PAK2: variants seen among roughly 807,000 people sequenced by gnomAD.
The protein encoded by PAK2 is p21 (RAC1) activated kinase 2, also known as serine/threonine-protein kinase PAK 2.
PAK2 carries 21 observed loss-of-function variants against 65.9 expected under a neutral mutation model. That is an observed-to-expected ratio of 0.32 (90% CI 0.23 to 0.46). The LOEUF is 0.46. PAK2 is among the 20% of genes least tolerant of loss of function. PAK2 has a pLI of 1.00. For missense variants in PAK2, 324 were observed against 642.6 expected, an observed-to-expected ratio of 0.50 and a Z score of 5.36; for synonymous variants, 204 against 219.7, an observed-to-expected ratio of 0.93 and a Z score of 0.63.
intron 4 of PAK2, among the ~76,000 whole-genome samples, chr3:196,804,257 C>A (rs1027464575): frequency 1.3e-5 from 2 of 152,126 alleles, no homozygotes; most frequent in Non-Finnish European, 2.9e-5. Context: ...AAATAGAAAT[C>A]TTTTTCAAGT....
intron 1 of PAK2, among the ~76,000 whole-genome samples, chr3:196,750,213 C>G (rs1423538404): frequency 6.6e-6 from 1 of 152,042 alleles, no homozygotes; most frequent in East Asian, 1.9e-4. Context: ...TGGTCTCGAA[C>G]TCCTGAGCTC....
At position 196,791,922 on chromosome 3, in the gene PAK2, CA is replaced by C. The variant is rs11401261; in HGVS notation, c.187+9104del. ...CCTGGGCGACAGAGCGAGACTCCGT[CA>C]AAAAAAAAAAAAAAGAAATAGAATT... On this transcript the variant is annotated intron_variant, in intron 2 of 14. Coordinates refer to ENST00000327134, the MANE Select transcript of PAK2 (RefSeq NM_002577.4). The surrounding 1 kb of genome is among the most constrained non-coding windows in gnomAD (Gnocchi z 4.0). Among the ~76,000 whole-genome samples the C allele has an allele frequency of 0.091, 12,526 of 138,332 alleles. 967 individuals carry two copies. Among genetic ancestry groups the C allele is most frequent in the African/African-American group, 0.22 (8,303 of 38,008 alleles). The allele number at this position is 138,332 out of a possible 152,430, so 90.8% of individuals were successfully genotyped here.
In PAK2 at chr3:196,828,648, T is replaced by C. The variant is rs548057843; in HGVS notation, c.*243T>C. On this transcript the variant is annotated 3_prime_UTR_variant, in exon 15 of 15. Coordinates refer to ENST00000327134, the MANE Select transcript of PAK2 (RefSeq NM_002577.4). ...GACTGAATCACTAGCCTTAGGTCTT[T>C]CAGCAAACAGCCTATCAGGGCCATT... 2.2e-6 allele frequency: 1 copy of C among 447,892 alleles called. No individual in the cohort carries two copies. The highest frequency in any genetic ancestry group is 2.9e-5 in the South Asian group (1 of 34,098). 27.7% of individuals were successfully genotyped at this position (447,892 alleles called of 1,614,324 possible). A position where few individuals can be genotyped will look rare whatever the true frequency, so the allele number is the denominator to read the frequency against.
chr3:196,823,444 A>G (rs1295807892), intron 13 of PAK2, among the ~76,000 whole-genome samples: 2 of 152,062 alleles, frequency 1.3e-5, no homozygotes. Flanking sequence ...GATCGGTAAA[A>G]TCACCAGCGC....
chr3:196,790,701 C>G (rs183569686), intron 2 of PAK2, among the ~76,000 whole-genome samples: 233 of 152,348 alleles, frequency 1.5e-3, no homozygotes, highest in African/African-American at 5.2e-3. Context: ...GTCCGGGCCA[C>G]TTACAGACTC....
intron 1 of PAK2, among the ~76,000 whole-genome samples, chr3:196,773,972 A>C (rs1403277422): frequency 1.3e-5 from 2 of 151,356 alleles, no homozygotes; most frequent in African/African-American, 2.4e-5. Flanking sequence ...GGTAGAGGTT[A>C]CAGTGAGCCG....
intron 12 of PAK2, among the ~76,000 whole-genome samples, 199 bp downstream of exon 12, chr3:196,818,355 A>G (rs77827107): frequency 0.016 from 2,484 of 152,192 alleles, 155 homozygotes; most frequent in Admixed American, 0.12. Context: ...GACATTACCT[A>G]ATAATTACCA....
intron 13 of PAK2, among the ~76,000 whole-genome samples, chr3:196,826,333 G>A (rs796680250): frequency 1.1e-4 from 17 of 151,892 alleles, no homozygotes; most frequent in South Asian, 2.1e-4. Context: ...CACCACGCCC[G>A]GCTAATTTTT....
At chr3:196,748,249 G>A (rs1202574428) in intron 1 of PAK2, among the ~76,000 whole-genome samples, 3 of 152,014 alleles carry the variant, frequency 2.0e-5, no homozygotes, top group Non-Finnish European at 4.4e-5. Context: ...TGCTCCTCAT[G>A]CCCCTCTTCT....
intron 1 of PAK2, among the ~76,000 whole-genome samples, chr3:196,741,239 G>C (rs1488365923): frequency 1.3e-5 from 2 of 152,172 alleles, no homozygotes; most frequent in African/African-American, 4.8e-5. Context: ...TAAGTAGGCA[G>C]GATATTGAAA....
intron 2 of PAK2, among the ~76,000 whole-genome samples, chr3:196,789,611 C>T (rs991867830): frequency 3.9e-5 from 6 of 151,998 alleles, no homozygotes; most frequent in Non-Finnish European, 7.4e-5. Context: ...TAGAGGTGCA[C>T]GCCACCACGC....
chr3:196,769,906 A>T (rs1714308938), intron 1 of PAK2, among the ~76,000 whole-genome samples: 1 of 152,060 alleles, frequency 6.6e-6, no homozygotes, highest in South Asian at 2.1e-4. Flanking sequence ...AATGACCTTT[A>T]TTCTACTTTC....
intron 1 of PAK2, among the ~76,000 whole-genome samples, chr3:196,777,066 C>A (rs182720796): frequency 1.3e-5 from 2 of 152,286 alleles, no homozygotes; most frequent in East Asian, 3.9e-4. Flanking sequence ...AAAAGACTTG[C>A]AGAAATGTCA....
At chr3:196,787,079 C>T (rs1041349597) in intron 2 of PAK2, among the ~76,000 whole-genome samples, 2 of 152,082 alleles carry the variant, frequency 1.3e-5, no homozygotes, top group Non-Finnish European at 2.9e-5. Flanking sequence ...CAGCCTTGGC[C>T]TCCCAAAGTG....
chr3:196,773,813 A>G (rs1354962277), intron 1 of PAK2, among the ~76,000 whole-genome samples: 2 of 152,160 alleles, frequency 1.3e-5, no homozygotes, highest in East Asian at 3.8e-4. Flanking sequence ...CAGAGGTTGC[A>G]GTGAGCCAAG....
intron 1 of PAK2, among the ~76,000 whole-genome samples, chr3:196,755,182 G>T (rs1271521160): frequency 6.6e-6 from 1 of 152,120 alleles, no homozygotes; most frequent in African/African-American, 2.4e-5. Context: ...CCAATTTTTT[G>T]AAACTTAGGT....
In PAK2 at chr3:196,751,674, C is replaced by CATATATATATATATATATATAT. The variant is rs149522539; in HGVS notation, c.-22+11538_-22+11539insTATATATATATATATATATATA. Among the ~76,000 whole-genome samples the CATATATATATATATATATATAT allele has an allele frequency of 2.9e-3, 206 of 71,724 alleles. 6 individuals are homozygous for CATATATATATATATATATATAT. Among genetic ancestry groups the CATATATATATATATATATATAT allele is most frequent in the African/African-American group, 0.013 (168 of 13,216 alleles). The allele number at this position is 71,724 out of a possible 152,430, so 47.1% of individuals were successfully genotyped here. A position where few individuals can be genotyped will look rare whatever the true frequency, so the allele number is the denominator to read the frequency against. On this transcript the variant is annotated intron_variant, in intron 1 of 14. Coordinates refer to ENST00000327134, the MANE Select transcript of PAK2 (RefSeq NM_002577.4). ...AAAAACACACAAATTTATTTATATACATATATATATATATATATATAATTC... is the reference window on the plus strand; with the variant it reads ...AAAAACACACAAATTTATTTATATACATATATATATATATATATATATATATATATATATATATATATAATTC...
chr3:196,793,070 T>G (rs998839692), intron 2 of PAK2, among the ~76,000 whole-genome samples: 2 of 152,146 alleles, frequency 1.3e-5, no homozygotes, highest in African/African-American at 4.8e-5. Context: ...GCACTACACA[T>G]GCTGAGGAGA....
intron 5 of PAK2, among the ~76,000 whole-genome samples, chr3:196,805,777 T>C (rs1715563691): frequency 1.3e-5 from 2 of 152,312 alleles, no homozygotes; most frequent in South Asian, 4.1e-4. Context: ...CAGAGTCATC[T>C]GAAACTTAAG....
Sources: gnomAD v4.1 joint callset for allele counts (sites outside exome capture counted in the v4.1 genomes callset) on GRCh38, gnomAD v4.1.1 for gene constraint, Gnocchi (gnomAD v3.1) non-coding constraint, MANE v1.5 for transcripts, NCBI Gene and HGNC (gene_info 2026-07-23, HGNC 2026-07-21) for gene names.